ZFAND3: variants seen among roughly 807,000 people sequenced by gnomAD.
ZFAND3 encodes the protein zinc finger AN1-type containing 3, also known as AN1-type zinc finger protein 3.
ZFAND3 carries 10 observed loss-of-function variants against 29.6 expected under a neutral mutation model. The ratio of observed to expected loss-of-function variants is 0.34; its 90% confidence interval spans 0.21 to 0.57. ZFAND3 has a LOEUF of 0.57. Among genes scored for constraint, ZFAND3 ranks in the 20% least tolerant of loss-of-function variants. ZFAND3 has a pLI of 0.86. For synonymous variants in ZFAND3, 128 were observed against 112.6 expected (o/e 1.14, Z -0.87); for missense variants, 230 against 304.5 (o/e 0.76, Z 1.82).
chr6:37,859,778 A>C (rs1764446289), intron 1 of ZFAND3, among the ~76,000 whole-genome samples: 1 of 151,608 alleles, frequency 6.6e-6, no homozygotes, highest in South Asian at 2.1e-4. Context: ...AATTTTGATG[A>C]ATAATGATTT....
intron 2 of ZFAND3, among the ~76,000 whole-genome samples, chr6:37,962,683 CTG>C (rs993393183): frequency 6.6e-6 from 1 of 152,170 alleles, no homozygotes; most frequent in African/African-American, 2.4e-5. Flanking sequence ...AATCAGAACT[CTG>C]TAAAATGGAC....
chr6:37,981,298 A>G (rs990582609), intron 2 of ZFAND3, among the ~76,000 whole-genome samples: 4 of 152,272 alleles, frequency 2.6e-5, no homozygotes, highest in Non-Finnish European at 4.4e-5. Flanking sequence ...GGTGAGGTCA[A>G]CAGTTATAAA....
chr6:38,120,904 A>G (rs1235767408), intron 5 of ZFAND3, among the ~76,000 whole-genome samples: 1 of 152,224 alleles, frequency 6.6e-6, no homozygotes, highest in Non-Finnish European at 1.5e-5. Context: ...CAAGTGCCTC[A>G]GTGGTCATTG....
chr6:38,031,499 A>G (rs1017814041), intron 2 of ZFAND3, among the ~76,000 whole-genome samples: 1 of 152,144 alleles, frequency 6.6e-6, no homozygotes, highest in African/African-American at 2.4e-5. Flanking sequence ...AATTCATTAT[A>G]TACTTGCAAG....
At chr6:38,029,537 A>C (rs942659333) in intron 2 of ZFAND3, among the ~76,000 whole-genome samples, 2 of 152,210 alleles carry the variant, frequency 1.3e-5, no homozygotes, top group Non-Finnish European at 2.9e-5. Context: ...TATGGTTGTA[A>C]TTGGCATAAT....
intron 2 of ZFAND3, among the ~76,000 whole-genome samples, chr6:38,019,567 T>A (rs1171900031): frequency 6.6e-6 from 1 of 152,174 alleles, no homozygotes; most frequent in Non-Finnish European, 1.5e-5. Context: ...TAGTCTTTAC[T>A]TTTATGGCTT....
At chr6:37,952,062 CATAGTGG>C (rs1387345646) in intron 2 of ZFAND3, among the ~76,000 whole-genome samples, 5 of 152,156 alleles carry the variant, frequency 3.3e-5, no homozygotes, top group Non-Finnish European at 7.4e-5. Flanking sequence ...CCTGCTTGAT[CATAGTGG>C]ATTAGCTTTA....
At chr6:38,032,804 T>G (rs1763587396) in intron 2 of ZFAND3, among the ~76,000 whole-genome samples, 1 of 152,214 alleles carries the variant, frequency 6.6e-6, no homozygotes, top group Non-Finnish European at 1.5e-5. Flanking sequence ...GTAGAAAACT[T>G]CTTTGCTTAT....
chr6:38,068,946 A>G (rs372756693), intron 3 of ZFAND3, among the ~76,000 whole-genome samples: 1 of 152,182 alleles, frequency 6.6e-6, no homozygotes, highest in South Asian at 2.1e-4. Flanking sequence ...TAGCTCCCTC[A>G]GGGATATTTA....
chr6:37,831,128 T>TA (rs990958484), intron 1 of ZFAND3, among the ~76,000 whole-genome samples: 17 of 152,252 alleles, frequency 1.1e-4, no homozygotes, highest in Non-Finnish European at 1.6e-4. Context: ...TCTTTATCTT[T>TA]AAAAAAATAG....
At chr6:38,106,273 C>A (rs1765207597) in intron 4 of ZFAND3, among the ~76,000 whole-genome samples, 1 of 152,080 alleles carries the variant, frequency 6.6e-6, no homozygotes, top group African/African-American at 2.4e-5. Flanking sequence ...CTGCCTCAGC[C>A]TCCCAAGTAG....
In ZFAND3 at chr6:38,136,411, G is replaced by A. The variant is rs1765842646; in HGVS notation, c.530-15824G>A. 3.9e-5 allele frequency among the ~76,000 whole-genome samples: 6 copies of A among 152,200 alleles called. No individual in the cohort carries two copies. The South Asian group carries it at 1.2e-3, about 32-fold the overall frequency. ...ACCGGAAGACAGATGACTCTGGCCCGTGGGGAGTACTGCCTGACTGCTGTC... is the reference window on the plus strand; with the variant it reads ...ACCGGAAGACAGATGACTCTGGCCCATGGGGAGTACTGCCTGACTGCTGTC... On this transcript the variant is annotated intron_variant, in intron 5 of 5. Coordinates refer to ENST00000287218, the MANE Select transcript of ZFAND3 (RefSeq NM_021943.3).
intron 2 of ZFAND3, among the ~76,000 whole-genome samples, chr6:38,041,474 A>G (rs1350361933): frequency 6.6e-6 from 1 of 151,718 alleles, no homozygotes; most frequent in Non-Finnish European, 1.5e-5. Flanking sequence ...ATATCATTAT[A>G]AACCCATGGA....
chr6:37,860,869 T>C (rs1003273599), intron 1 of ZFAND3, among the ~76,000 whole-genome samples: 3 of 152,138 alleles, frequency 2.0e-5, no homozygotes, highest in Non-Finnish European at 4.4e-5. Flanking sequence ...TGTAGAAGGA[T>C]GAGATATGGT....
At chr6:37,937,304 A>G (rs1761715179) in intron 2 of ZFAND3, among the ~76,000 whole-genome samples, 2 of 152,196 alleles carry the variant, frequency 1.3e-5, no homozygotes, top group African/African-American at 4.8e-5. Flanking sequence ...ATTTTGCAGG[A>G]TAGTGGAATT....
intron 1 of ZFAND3, among the ~76,000 whole-genome samples, chr6:37,914,373 G>GTC (rs1761192144): frequency 1.3e-5 from 2 of 152,150 alleles, no homozygotes; most frequent in Non-Finnish European, 2.9e-5. Flanking sequence ...TTGAGACAGG[G>GTC]TCTCATTCTG....
chr6:37,918,951 CTTTTTTTTTTTT>C (rs66941014), intron 1 of ZFAND3, among the ~76,000 whole-genome samples: 3 of 104,738 alleles, frequency 2.9e-5, no homozygotes, highest in African/African-American at 4.1e-5. Context: ...TGAAAAATGC[CTTTTTTTTTTTT>C]TTTTTTTTGA....
intron 1 of ZFAND3, among the ~76,000 whole-genome samples, chr6:37,899,161 A>T (rs1765273305): frequency 6.6e-6 from 1 of 152,216 alleles, no homozygotes; most frequent in Non-Finnish European, 1.5e-5. Context: ...GGCCTCCCAA[A>T]GTGCTGGGAT....
At chr6:38,070,170 A>G (rs909956134) in intron 3 of ZFAND3, among the ~76,000 whole-genome samples, 3 of 152,148 alleles carry the variant, frequency 2.0e-5, no homozygotes, top group Admixed American at 2.0e-4. Context: ...TGCGCCTGTA[A>G]TCCCAGCACT....
Sources: allele counts gnomAD v4.1 joint callset (sites outside exome capture counted in the v4.1 genomes callset), GRCh38; gene constraint gnomAD v4.1.1; transcripts MANE v1.5; gene names NCBI Gene and HGNC (gene_info 2026-07-23, HGNC 2026-07-21).